The following PACSIN1 variants were observed in gnomAD, a reference collection of about 807,000 sequenced individuals.
The protein encoded by PACSIN1 is protein kinase C and casein kinase substrate in neurons protein 1.
In PACSIN1, 15 loss-of-function variants were observed where a neutral mutation model predicts 59.5. That is an observed-to-expected ratio of 0.25 (90% CI 0.17 to 0.39). PACSIN1 has a LOEUF of 0.39. Ranked by LOEUF, PACSIN1 falls within the 10% of genes least tolerant of loss-of-function variation. The pLI is 1.00. For synonymous variants in PACSIN1, 210 were observed against 220.6 expected (o/e 0.95, Z 0.42); for missense variants, 420 against 580.2 (o/e 0.72, Z 2.84).
chr6:34,479,047 A>G lies in PACSIN1; in HGVS notation c.-64+12777A>G, dbSNP rs140065797. 1.6e-3 allele frequency among the ~76,000 whole-genome samples: 249 copies of G among 152,272 alleles called. 1 individual carries two copies. The highest frequency in any genetic ancestry group is 6.8e-3 in the Middle Eastern group (2 of 294). ...AGCCTGCTCTCATGGGAACTAATCC[A>G]TTCCCACAGCACTCCAGCAAGGTGG... On this transcript the variant is annotated intron_variant, in intron 1 of 9. Coordinates refer to ENST00000244458, the MANE Select transcript of PACSIN1 (RefSeq NM_020804.5).
intron 4 of PACSIN1, 38 bp downstream of exon 4, chr6:34,528,915 G>GGGGGGGGCCGGGGGGGGGGGGGGGGGGC: frequency 1.5e-6 from 1 of 653,172 alleles, no homozygotes; most frequent in East Asian, 4.3e-5. Flanking sequence ...GGTGGGGTGG[G>GGGGGGGGCCGGGGGGGGGGGGGGGGGGC]CCCGTCTGAT....
At chr6:34,478,642 A>T (rs770713088) in intron 1 of PACSIN1, among the ~76,000 whole-genome samples, 1 of 152,190 alleles carries the variant, frequency 6.6e-6, no homozygotes, top group Non-Finnish European at 1.5e-5. Context: ...AAGTGCTGGG[A>T]TTACAGGCAT....
intron 1 of PACSIN1, among the ~76,000 whole-genome samples, chr6:34,493,771 A>C (rs540820146): frequency 7.6e-4 from 116 of 152,272 alleles, no homozygotes; most frequent in Non-Finnish European, 1.5e-3. Context: ...ACATTAGAGT[A>C]TTATCAGATC....
At chr6:34,491,276 C>T (rs1023057862) in intron 1 of PACSIN1, among the ~76,000 whole-genome samples, 3 of 152,140 alleles carry the variant, frequency 2.0e-5, no homozygotes, top group African/African-American at 7.2e-5. Flanking sequence ...TGCACGCGGG[C>T]CCCAGCACAG....
At chr6:34,519,058 G>A (rs1764840377) in intron 1 of PACSIN1, among the ~76,000 whole-genome samples, 1 of 152,186 alleles carries the variant, frequency 6.6e-6, no homozygotes, top group African/African-American at 2.4e-5. Context: ...AGGAGGAAGG[G>A]AGAGCACAGG....
intron 1 of PACSIN1, among the ~76,000 whole-genome samples, chr6:34,519,694 G>A (rs901394112): frequency 6.6e-6 from 1 of 152,102 alleles, no homozygotes; most frequent in African/African-American, 2.4e-5. Flanking sequence ...TACACCCCAT[G>A]GGGGTAGGTG....
rs1431694315 is a variant in PACSIN1 at position 34,529,038 on chromosome 6, A to T, written c.456+161A>T. On this transcript the variant is annotated intron_variant, in intron 4 of 9. Coordinates refer to ENST00000244458, the MANE Select transcript of PACSIN1 (RefSeq NM_020804.5). This position sits in a 1 kb window ranked among gnomAD's most constrained non-coding sequence, Gnocchi z 6.3. ...GCCTTCCAGGAAAAAATATTCACAGATGGGTAGGCAGTGCCCATTGGGTAA... is the reference window on the plus strand; with the variant it reads ...GCCTTCCAGGAAAAAATATTCACAGTTGGGTAGGCAGTGCCCATTGGGTAA... Among the ~76,000 whole-genome samples the T allele has an allele frequency of 6.6e-6, 1 of 151,920 alleles. No homozygotes were observed. Among genetic ancestry groups the T allele is most frequent in the African/African-American group, 2.4e-5 (1 of 41,352 alleles).
rs1286804887 is a variant in PACSIN1 at position 34,531,416 on chromosome 6, A to G, written c.1038-184A>G. Among the ~76,000 whole-genome samples, 1 of 152,080 alleles carries G rather than the reference A, an allele frequency of 6.6e-6. No homozygotes were observed. The highest frequency in any genetic ancestry group is 1.5e-5 in the Non-Finnish European group (1 of 68,018). On this transcript the variant is annotated intron_variant, in intron 8 of 9. Coordinates refer to ENST00000244458, the MANE Select transcript of PACSIN1 (RefSeq NM_020804.5). The surrounding 1 kb of genome is among the most constrained non-coding windows in gnomAD (Gnocchi z 4.4). ...CCTCTCCCTCGAGGGCTGAATAATA[A>G]CGCAAATGGTCCTGCATTTAAACAT...
At chr6:34,503,275 A>AAAAAAAG (rs1554169152) in intron 1 of PACSIN1, among the ~76,000 whole-genome samples, 192 of 148,404 alleles carry the variant, frequency 1.3e-3, no homozygotes, top group Middle Eastern at 3.6e-3. Context: ...TCAAAAAAAA[A>AAAAAAAG]AAAAAGAAAA....
intron 1 of PACSIN1, among the ~76,000 whole-genome samples, chr6:34,498,575 A>ATTGCT (rs1414006071): frequency 6.6e-6 from 1 of 151,962 alleles, no homozygotes; most frequent in African/African-American, 2.4e-5. Flanking sequence ...AGGCAGGTGG[A>ATTGCT]TTGCTTGAGC....
rs534734062 is a variant in PACSIN1, at chr6:34,470,240, T to C, written c.-64+3970T>C. ...CTCTGTTACCCAGGCTGGAGTGCAG[T>C]GGCGCGATCTTGGCTCATTGCAACC... On this transcript the variant is annotated intron_variant, in intron 1 of 9. Transcript: ENST00000244458. 4.0e-5 allele frequency among the ~76,000 whole-genome samples: 6 copies of C among 151,730 alleles called. No homozygotes were observed. In the East Asian group the frequency reaches 1.2e-3, roughly 30 times the overall value.
intron 1 of PACSIN1, among the ~76,000 whole-genome samples, chr6:34,471,701 A>G (rs1484387445): frequency 1.3e-5 from 2 of 152,212 alleles, no homozygotes; most frequent in Non-Finnish European, 2.9e-5. Context: ...GTTTTTGGCA[A>G]CAGTGGTCAC....
rs1357379128 is a variant in PACSIN1, at chr6:34,521,730, G to C, written c.-63-4513G>C. Among the ~76,000 whole-genome samples, 1 of 152,136 alleles carries C rather than the reference G, an allele frequency of 6.6e-6. No individual in the cohort carries two copies. Among genetic ancestry groups the C allele is most frequent in the Non-Finnish European group, 1.5e-5 (1 of 68,018 alleles). ...ACTACAGGCAACGGCGGTGGTGGAT[G>C]GATAGTAAGCGCCGACACCTGTGGA... On this transcript the variant is annotated intron_variant, in intron 1 of 9. Transcript: ENST00000244458. The surrounding 1 kb of genome is among the most constrained non-coding windows in gnomAD (Gnocchi z 4.3).
intron 1 of PACSIN1, among the ~76,000 whole-genome samples, chr6:34,496,198 C>T (rs1766943646): frequency 6.6e-6 from 1 of 152,164 alleles, no homozygotes; most frequent in Non-Finnish European, 1.5e-5. Flanking sequence ...TGAGTGAAGC[C>T]TTGGTCACAA....
intron 1 of PACSIN1, among the ~76,000 whole-genome samples, chr6:34,476,166 T>C (rs1357354208): frequency 2.6e-5 from 4 of 152,164 alleles, no homozygotes; most frequent in African/African-American, 9.7e-5. Flanking sequence ...TGGTTACCCC[T>C]ACTGAGCCCT....
At position 34,529,293 on chromosome 6, in the gene PACSIN1, G is replaced by A. The variant is rs1297534291; in HGVS notation, c.457-104G>A. 8.0e-7 allele frequency: 1 copy of A among 1,253,908 alleles called. No individual in the cohort carries two copies. The highest frequency in any genetic ancestry group is 2.1e-5 in the Admixed American group (1 of 47,968). The allele number at this position is 1,253,908 out of a possible 1,614,324, so 77.7% of individuals were successfully genotyped here. ...ATCCCTTCTGGCTCTTAAGAGTGTG[G>A]GCTCACAGGTCCCAGGGAGTGGGCA... On this transcript the variant is annotated intron_variant, in intron 4 of 9. Transcript: ENST00000244458. The surrounding 1 kb of genome is among the most constrained non-coding windows in gnomAD (Gnocchi z 6.3).
intron 1 of PACSIN1, among the ~76,000 whole-genome samples, chr6:34,482,914 T>G (rs1332427940): frequency 1.3e-5 from 2 of 151,922 alleles, no homozygotes; most frequent in African/African-American, 4.8e-5. Context: ...CTTGAACTCC[T>G]GACCTCAGGT....
At position 34,527,344 on chromosome 6, in the gene PACSIN1, A is replaced by C; in HGVS notation, c.76A>C (p.Lys26Gln). 1 of 1,583,658 alleles carries C rather than the reference A, an allele frequency of 6.3e-7. No individual in the cohort carries two copies. Among genetic ancestry groups the C allele is most frequent in the Non-Finnish European group, 8.6e-7 (1 of 1,165,714 alleles). ...TDSFWEVGNY[K>Q]RTVKRIDDGH... ...GCTTGGCCGCCAGGTGGGGAACTAC[A>C]AGCGGACCGTGAAGCGCATCGATGA... The change falls in exon 3 of 10, where the codon AAG becomes CAG. Residue 26 changes from lysine (K) to glutamine (Q), a missense_variant. Transcript: ENST00000244458.
chr6:34,498,203 A>G (rs1270949829), intron 1 of PACSIN1, among the ~76,000 whole-genome samples: 2 of 152,096 alleles, frequency 1.3e-5, no homozygotes, highest in African/African-American at 4.8e-5. Flanking sequence ...CTGGGACTAC[A>G]GGTGCGCGCC....
Sources: gnomAD v4.1 joint callset for allele counts (sites outside exome capture counted in the v4.1 genomes callset) on GRCh38, gnomAD v4.1.1 for gene constraint, Gnocchi (gnomAD v3.1) non-coding constraint, MANE v1.5 for transcripts, NCBI Gene and HGNC (gene_info 2026-07-23, HGNC 2026-07-21) for gene names.